The following OSBPL2 variants were observed in gnomAD, a reference collection of about 807,000 sequenced individuals.
The protein encoded by OSBPL2 is oxysterol binding protein like 2.
A neutral mutation model predicts 58.4 loss-of-function variants in OSBPL2; 18 were observed. The observed-to-expected ratio is 0.31, with a 90% CI of 0.21 to 0.46. The LOEUF (loss-of-function observed/expected upper bound fraction) is 0.46, where lower values mean the gene tolerates loss of function less well. OSBPL2 is among the 20% of genes least tolerant of loss of function. OSBPL2 has a pLI of 1.00. For synonymous variants in OSBPL2, 221 were observed against 234.1 expected (o/e 0.94, Z 0.51); for missense variants, 461 against 616.5 (o/e 0.75, Z 2.67).
chr20:62,273,479 T>C, intron 6 of OSBPL2, 73 bp downstream of exon 6: 1 of 1,135,172 alleles, frequency 8.8e-7, no homozygotes, highest in Admixed American at 2.0e-5. Flanking sequence ...TTTGATTCTT[T>C]CACTAGCATT....
chr20:62,271,069 C>A (rs1031288797), intron 4 of OSBPL2, among the ~76,000 whole-genome samples: 1 of 152,050 alleles, frequency 6.6e-6, no homozygotes, highest in Non-Finnish European at 1.5e-5. Context: ...TTGTCCCTCT[C>A]CCTCTGCCTC....
chr20:62,272,689 G>T (rs1271736628), intron 5 of OSBPL2, among the ~76,000 whole-genome samples: 2 of 152,130 alleles, frequency 1.3e-5, no homozygotes, highest in Non-Finnish European at 2.9e-5. Context: ...GCTCCTGGAG[G>T]TTGAGACCAG....
At chr20:62,258,387 A>G (rs115440227) in intron 2 of OSBPL2, among the ~76,000 whole-genome samples, 1,754 of 152,342 alleles carry the variant, frequency 0.012, 28 homozygotes, top group African/African-American at 0.041. Context: ...CAGTTATTAA[A>G]TGAATGACTT....
chr20:62,286,308 G>A (rs1983117047), intron 10 of OSBPL2: 1 of 299,928 alleles, frequency 3.3e-6, no homozygotes, highest in Non-Finnish European at 6.4e-6. Context: ...CAATTAGCCG[G>A]GCATGGTTTT....
intron 9 of OSBPL2, among the ~76,000 whole-genome samples, chr20:62,282,407 A>G (rs1321486203): frequency 6.6e-6 from 1 of 152,124 alleles, no homozygotes; most frequent in African/African-American, 2.4e-5. Context: ...TTTTCTCCCC[A>G]TTTGGGTTAA....
intron 4 of OSBPL2, among the ~76,000 whole-genome samples, chr20:62,266,552 C>G (rs887660825): frequency 3.3e-5 from 5 of 152,022 alleles, no homozygotes; most frequent in African/African-American, 1.2e-4. Flanking sequence ...TTGGCTGTGG[C>G]TCGTTCTGGA....
intron 7 of OSBPL2, chr20:62,279,937 C>CGTGGGA: frequency 7.7e-7 from 1 of 1,301,416 alleles, no homozygotes; most frequent in Admixed American, 2.3e-5. Context: ...TTTGAAACAG[C>CGTGGGA]GTGGGAGGGG....
At chr20:62,241,824 C>T (rs983311312) in intron 1 of OSBPL2, among the ~76,000 whole-genome samples, 7 of 152,200 alleles carry the variant, frequency 4.6e-5, no homozygotes, top group East Asian at 1.9e-4. Flanking sequence ...TCAGGTGTCC[C>T]GGGATCTTTG....
intron 11 of OSBPL2, among the ~76,000 whole-genome samples, chr20:62,287,172 A>G (rs1983190519): frequency 6.6e-6 from 1 of 152,236 alleles, no homozygotes; most frequent in African/African-American, 2.4e-5. Context: ...ATTTTTGAAA[A>G]TTGCACTTAT....
chr20:62,274,698 GCTCCGCCTGC>G (rs1198048187), intron 6 of OSBPL2, among the ~76,000 whole-genome samples: 1 of 152,186 alleles, frequency 6.6e-6, no homozygotes, highest in African/African-American at 2.4e-5. Context: ...CACAGAGCTC[GCTCCGCCTGC>G]CTGGGGAGAA....
chr20:62,256,751 C>T (rs1324339497), intron 2 of OSBPL2, among the ~76,000 whole-genome samples: 1 of 152,176 alleles, frequency 6.6e-6, no homozygotes, highest in Non-Finnish European at 1.5e-5. Context: ...AAATGAAGAC[C>T]GTGTTGCAGG....
rs1983828074 is a variant in OSBPL2 at position 62,295,808 on chromosome 20, A to G, written c.*1921A>G. 6.6e-6 allele frequency: 1 copy of G among 152,228 alleles called. No homozygotes were observed. Among genetic ancestry groups the G allele is most frequent in the Non-Finnish European group, 1.5e-5 (1 of 68,042 alleles). The allele number at this position is 152,228 out of a possible 1,614,324, so 9.4% of individuals were successfully genotyped here. A position where few individuals can be genotyped will look rare whatever the true frequency, so the allele number is the denominator to read the frequency against. ...ACATCCAGAGGTGAGACTCAGACAC[A>G]TTGAAAGTGACTGCATTTAGGGAGG... On this transcript the variant is annotated 3_prime_UTR_variant, in exon 14 of 14. Transcript: ENST00000313733. The surrounding 1 kb of genome is among the most constrained non-coding windows in gnomAD (Gnocchi z 4.8).
chr20:62,281,568 T>G, intron 8 of OSBPL2: 1 of 540,564 alleles, frequency 1.8e-6, no homozygotes, highest in East Asian at 3.0e-5. Context: ...ACTCGCCCAT[T>G]CTGAATGGAC....
At chr20:62,268,607 A>G (rs960629492) in intron 4 of OSBPL2, among the ~76,000 whole-genome samples, 1 of 152,002 alleles carries the variant, frequency 6.6e-6, no homozygotes, top group Admixed American at 6.6e-5. Flanking sequence ...TTTATTTATT[A>G]TTTCTTTTTA....
At chr20:62,286,169 C>A in intron 10 of OSBPL2, 1 of 174,078 alleles carries the variant, frequency 5.7e-6, no homozygotes. Flanking sequence ...AAAAAAAAGG[C>A]CGGGTGTGGT....
chr20:62,279,565 C>T (rs1601190345), intron 7 of OSBPL2: 2 of 563,106 alleles, frequency 3.6e-6, no homozygotes, highest in East Asian at 5.9e-5. Context: ...CTTTCGGTCA[C>T]ATCATTCATT....
At chr20:62,279,883 C>G (rs533556498) in intron 7 of OSBPL2, 16 of 1,168,228 alleles carry the variant, frequency 1.4e-5, no homozygotes, top group Middle Eastern at 3.4e-4. Flanking sequence ...TTTGCACACT[C>G]CCCCACCCTG....
At position 62,293,695 on chromosome 20, in the gene OSBPL2, G is replaced by C. The variant is rs1053448008; in HGVS notation, c.1341-90G>C. On this transcript the variant is annotated intron_variant, in intron 13 of 13. Transcript: ENST00000313733. ...ACCCACGTTACCGTGATGGTGCTGAGTTGGGGGAACACACTCCTGCACCCA... is the reference window on the plus strand; with the variant it reads ...ACCCACGTTACCGTGATGGTGCTGACTTGGGGGAACACACTCCTGCACCCA... 6.2e-6 allele frequency: 7 copies of C among 1,130,334 alleles called. No homozygotes were observed. In the African/African-American group the frequency reaches 1.1e-4, roughly 18 times the overall value. The allele number at this position is 1,130,334 out of a possible 1,614,324, so 70.0% of individuals were successfully genotyped here.
chr20:62,263,505 C>A, intron 3 of OSBPL2, 111 bp from the exon 4 acceptor site: 1 of 857,362 alleles, frequency 1.2e-6, no homozygotes, highest in Non-Finnish European at 1.9e-6. Context: ...TGTAGAAATG[C>A]CAATGTTTAG....
Sources: allele counts gnomAD v4.1 joint callset (sites outside exome capture counted in the v4.1 genomes callset), GRCh38; gene constraint gnomAD v4.1.1; non-coding constraint Gnocchi (gnomAD v3.1); transcripts MANE v1.5; gene names NCBI Gene and HGNC (gene_info 2026-07-23, HGNC 2026-07-21).